STK3: variants seen among roughly 807,000 people sequenced by gnomAD.
STK3 encodes serine/threonine kinase 3, also known as serine/threonine-protein kinase 3.
In STK3, 41 loss-of-function variants were observed where a neutral mutation model predicts 58.0. The observed-to-expected ratio is 0.71, with a 90% CI of 0.55 to 0.92. The LOEUF is 0.92. STK3 is among the 40% of genes least tolerant of loss of function. The pLI is 0.00. For synonymous variants in STK3, 170 were observed against 191.0 expected (o/e 0.89, Z 0.91); for missense variants, 479 against 602.7 (o/e 0.79, Z 2.15).
chr8:98,368,102 T>C (rs963620142), downstream of STK3, among the ~76,000 whole-genome samples: 2 of 152,144 alleles, frequency 1.3e-5, no homozygotes, highest in African/African-American at 4.8e-5. Flanking sequence ...GACAGCACAC[T>C]CTCTCCCTTG....
intron 7 of STK3, among the ~76,000 whole-genome samples, chr8:98,582,031 A>G (rs1473248366): frequency 2.0e-5 from 3 of 152,316 alleles, no homozygotes; most frequent in East Asian, 3.9e-4. Flanking sequence ...TTAGAAATTG[A>G]TAATTCAGAA....
intron 6 of STK3, among the ~76,000 whole-genome samples, chr8:98,647,533 A>G (rs1820491976): frequency 1.3e-5 from 2 of 152,138 alleles, no homozygotes; most frequent in South Asian, 4.1e-4. Context: ...AATACAATAA[A>G]TATATAGTAT....
At chr8:98,653,931 T>C (rs1430426262) in intron 6 of STK3, among the ~76,000 whole-genome samples, 2 of 152,208 alleles carry the variant, frequency 1.3e-5, no homozygotes, top group Non-Finnish European at 2.9e-5. Flanking sequence ...CCATTCCTTC[T>C]GAAACTATTC....
At chr8:98,529,813 T>C (rs190159000) in intron 9 of STK3, among the ~76,000 whole-genome samples, 110 of 152,298 alleles carry the variant, frequency 7.2e-4, no homozygotes, top group Non-Finnish European at 6.2e-4. Flanking sequence ...GTCAGGTATT[T>C]AGAGTAGTCA....
At chr8:98,597,824 A>G (rs74964589) in intron 6 of STK3, 6 of 282,818 alleles carry the variant, frequency 2.1e-5, no homozygotes, top group Non-Finnish European at 3.1e-5. Flanking sequence ...ACTTGTGCAG[A>G]AAAAAAAAAA....
At chr8:98,672,631 G>C (rs1294534641) in intron 6 of STK3, among the ~76,000 whole-genome samples, 1 of 152,066 alleles carries the variant, frequency 6.6e-6, no homozygotes, top group Admixed American at 6.5e-5. Flanking sequence ...GCTAAGTAAA[G>C]AAACAATTAT....
At chr8:98,920,989 G>T (rs537883093) in intron 1 of STK3, among the ~76,000 whole-genome samples, 1 of 152,362 alleles carries the variant, frequency 6.6e-6, no homozygotes, top group Admixed American at 6.5e-5. Context: ...GAGTGGTTGG[G>T]TGGGTGTATC....
rs113327498 is a variant in STK3 at position 98,589,755 on chromosome 8, G to A, written c.822+6277C>T. Among the ~76,000 whole-genome samples the A allele has an allele frequency of 4.2e-3, 635 of 152,316 alleles. 7 individuals are homozygous for A. The highest frequency in any genetic ancestry group is 0.014 in the African/African-American group (601 of 41,582). The stretch of plus-strand genomic sequence containing the variant: ...CTGTGCTAGCAATCAGCGAGACTCC[G>A]TGGGCATAGGACCCTCTGAGCCAGG... On this transcript the variant is annotated intron_variant, in intron 7 of 10. Coordinates refer to ENST00000419617, the MANE Select transcript of STK3 (RefSeq NM_006281.4).
At chr8:98,528,191 T>C (rs2131491638) in intron 9 of STK3, among the ~76,000 whole-genome samples, 1 of 152,320 alleles carries the variant, frequency 6.6e-6, no homozygotes, top group African/African-American at 2.4e-5. Flanking sequence ...TTGCTTCCAA[T>C]ATCACAGTTT....
At chr8:98,874,982 G>A (rs1430857546) in intron 3 of STK3, among the ~76,000 whole-genome samples, 2 of 152,062 alleles carry the variant, frequency 1.3e-5, no homozygotes, top group Non-Finnish European at 2.9e-5. Flanking sequence ...TAAACAGTAT[G>A]ATCCAATTTT....
At chr8:98,671,259 G>C (rs2130842484) in intron 6 of STK3, among the ~76,000 whole-genome samples, 1 of 152,180 alleles carries the variant, frequency 6.6e-6, no homozygotes, top group South Asian at 2.1e-4. Flanking sequence ...GTAAATAGAA[G>C]GGCTAACTCC....
chr8:98,588,611 G>A (rs1205971255), intron 7 of STK3, among the ~76,000 whole-genome samples: 13 of 151,920 alleles, frequency 8.6e-5, no homozygotes, highest in Non-Finnish European at 1.0e-4. Flanking sequence ...TCTTTATGGC[G>A]TTCTCTGTAT....
At chr8:98,640,818 A>T (rs569146708) in intron 6 of STK3, among the ~76,000 whole-genome samples, 2 of 151,784 alleles carry the variant, frequency 1.3e-5, no homozygotes, top group African/African-American at 4.8e-5. Context: ...ATGCTCAAAT[A>T]ATGGAATTTA....
chr8:98,695,427 T>C (rs1247451565), intron 6 of STK3, among the ~76,000 whole-genome samples: 1 of 152,214 alleles, frequency 6.6e-6, no homozygotes, highest in Non-Finnish European at 1.5e-5. Context: ...TGCCCATGCC[T>C]ATGTCCTGAA....
At chr8:98,910,996 A>G (rs1380606139) in intron 1 of STK3, among the ~76,000 whole-genome samples, 2 of 152,248 alleles carry the variant, frequency 1.3e-5, no homozygotes, top group African/African-American at 4.8e-5. Context: ...GGTGAGGTCC[A>G]TATATAGCAA....
At chr8:98,751,365 C>T (rs185939224) in intron 3 of STK3, among the ~76,000 whole-genome samples, 2 of 152,314 alleles carry the variant, frequency 1.3e-5, no homozygotes, top group Non-Finnish European at 2.9e-5. Flanking sequence ...CCCATAGCCT[C>T]AGCCCAAAAG....
intron 1 of STK3, 105 bp downstream of exon 1, chr8:98,825,410 G>T: frequency 2.7e-6 from 3 of 1,100,138 alleles, no homozygotes; most frequent in Admixed American, 4.7e-5. Flanking sequence ...CCGGCTCGGG[G>T]CCCGGCGGGC....
chr8:98,848,284 G>A (rs1172193927), intron 3 of STK3, among the ~76,000 whole-genome samples: 1 of 147,120 alleles, frequency 6.8e-6, no homozygotes, highest in Non-Finnish European at 1.5e-5. Flanking sequence ...TTTCGCTCTT[G>A]TTGCCCAGGC....
rs183779628 is a variant in STK3 at position 98,847,464 on chromosome 8, T to C, written c.110+36183A>G. Among the ~76,000 whole-genome samples, 1,316 of 152,272 alleles carry C rather than the reference T, an allele frequency of 8.6e-3. 11 individuals carry two copies. Among genetic ancestry groups the C allele is most frequent in the African/African-American group, 0.03 (1,237 of 41,544 alleles). On this transcript the variant is annotated intron_variant, in intron 3 of 12. Transcript: ENST00000523601. ...CCGAACCCACAGCCCAATGGCTTTT[T>C]CTCTTTGCCACAGACCTTGATGCTG...
Sources: gnomAD v4.1 joint callset for allele counts (sites outside exome capture counted in the v4.1 genomes callset) on GRCh38, gnomAD v4.1.1 for gene constraint, MANE v1.5 for transcripts, NCBI Gene and HGNC (gene_info 2026-07-23, HGNC 2026-07-21) for gene names.